IBA57: variants seen among roughly 807,000 people sequenced by gnomAD.
The protein encoded by IBA57 is iron-sulfur cluster assembly factor IBA57, mitochondrial.
In IBA57, 20 loss-of-function variants were observed where a neutral mutation model predicts 20.4. That is an observed-to-expected ratio of 0.98 (90% confidence interval 0.69 to 1.42). The LOEUF (loss-of-function observed/expected upper bound fraction) is 1.42. Ranked by LOEUF, IBA57 falls within the 40% of genes most tolerant of loss-of-function variation. The probability of loss-of-function intolerance (pLI) is 0.00; values close to 1 mark genes in which losing one functional copy is unlikely to be tolerated. For missense variants in IBA57, 608 were observed against 499.3 expected, an observed-to-expected ratio of 1.22 and a Z score of -2.07; for synonymous variants, 310 against 233.9, an observed-to-expected ratio of 1.33 and a Z score of -2.97.
At chr1:228,169,397 G>C (rs1320920906) in intron 1 of IBA57, among the ~76,000 whole-genome samples, 1 of 152,106 alleles carries the variant, frequency 6.6e-6, no homozygotes, top group Non-Finnish European at 1.5e-5. Flanking sequence ...ATAGTTATTT[G>C]GTTGTTGTCT....
chr1:228,174,725 T>C lies in IBA57; in HGVS notation c.375T>C (p.Leu125=), dbSNP rs999608393. The change falls in exon 2 of 3, where the codon CTT becomes CTC. Residue 125 remains leucine (L), a synonymous_variant. Transcript: ENST00000366711. The stretch of plus-strand genomic sequence containing the variant: ...AACACTCGGAGGTGTCTGGCTTCCT[T>C]CTGGAGTGTGACAGCTCGGTGCAGG... The part of the protein sequence containing the change: ...LQEHSEVSGF[L]LECDSSVQGA... 6.3e-7 allele frequency: 1 copy of C among 1,592,288 alleles called. No homozygotes were observed.
chr1:228,173,404 C>CCCG (rs1553264442), intron 1 of IBA57: 3 of 132,934 alleles, frequency 2.3e-5, no homozygotes, highest in South Asian at 2.8e-4. Flanking sequence ...TTAGTGCCCC[C>CCCG]CCCCCCGACA....
intron 1 of IBA57, among the ~76,000 whole-genome samples, chr1:228,167,905 C>A (rs956426130): frequency 6.6e-6 from 1 of 152,238 alleles, no homozygotes; most frequent in Admixed American, 6.5e-5. Context: ...TATGTTAGTA[C>A]TTTGCTGTTC....
chr1:228,166,076 G>T lies in IBA57; in HGVS notation c.260G>T (p.Gly87Val). 2 of 1,537,406 alleles carry T rather than the reference G, an allele frequency of 1.3e-6. No individual in the cohort carries two copies. ...CCGCTTCCGAGTCCTGCGGCCGCGG[G>T]GGCCCCGCCTGCTGCGCGCGCGGGC... The part of the protein sequence containing the change: ...ELPLPSPAAA[G>V]APPAARAGYA... Residue 87 changes from glycine to valine, a missense_variant, in exon 1 of 3, where the codon GGG (glycine) becomes GTG (valine). By Grantham distance (109) the Gly-to-Val change is moderately radical. Coordinates refer to ENST00000366711, the MANE Select transcript of IBA57 (RefSeq NM_001010867.4).
chr1:228,177,205 C>G lies in IBA57; in HGVS notation c.*1692C>G, dbSNP rs1262750644. On this transcript the variant is annotated 3_prime_UTR_variant, in exon 3 of 3. Coordinates refer to ENST00000366711, the MANE Select transcript of IBA57 (RefSeq NM_001010867.4). ...GCACCCCTGGAATGAGGGTCTGTGCCTCGAGCTCAAAGTGTCCCGGCTCTG... is the reference window on the plus strand; with the variant it reads ...GCACCCCTGGAATGAGGGTCTGTGCGTCGAGCTCAAAGTGTCCCGGCTCTG... The G allele has an allele frequency of 6.6e-6, 1 of 152,330 alleles. No homozygotes were observed. The highest frequency in any genetic ancestry group is 1.5e-5 in the Non-Finnish European group (1 of 68,150). 9.4% of individuals were successfully genotyped at this position (152,330 alleles called of 1,614,324 possible). A position where few individuals can be genotyped will look rare whatever the true frequency, so the allele number is the denominator to read the frequency against.
Position 228,175,652 on chromosome 1 carries a change from T to A in IBA57, c.*139T>A. 1 of 1,153,680 alleles carries A rather than the reference T, an allele frequency of 8.7e-7. No individual in the cohort carries two copies. The highest frequency in any genetic ancestry group is 2.7e-5 in the East Asian group (1 of 36,870). The allele number at this position is 1,153,680 out of a possible 1,614,324, so 71.5% of individuals were successfully genotyped here. A position where few individuals can be genotyped will look rare whatever the true frequency, so the allele number is the denominator to read the frequency against. On this transcript the variant is annotated 3_prime_UTR_variant, in exon 3 of 3. Transcript: ENST00000366711. ...GGTTTCCATCTGGGAAAGTCCCCCTTGTAGGTGCCCTGCCTGGCCCCACCC... is the reference window on the plus strand; with the variant it reads ...GGTTTCCATCTGGGAAAGTCCCCCTAGTAGGTGCCCTGCCTGGCCCCACCC...
Position 228,175,199 on chromosome 1 carries a change from G to A in IBA57, c.757G>A (p.Val253Met). Residue 253 changes from valine (V) to methionine (M), a missense_variant, in exon 3 of 3, where the codon GTG (valine) becomes ATG (methionine). Transcript: ENST00000366711. Reference sequence around the variant, plus strand: ...GTCCAACCTGGCCTTCATGAACGGCGTGAGCTTCACCAAAGGCTGCTACAT... The same window carrying A: ...GTCCAACCTGGCCTTCATGAACGGCATGAGCTTCACCAAAGGCTGCTACAT... Reference protein sequence around the residue: ...LESNLAFMNGVSFTKGCYIGQ... With the variant: ...LESNLAFMNGMSFTKGCYIGQ... 4 of 1,612,884 alleles carry A rather than the reference G, an allele frequency of 2.5e-6. No homozygotes were observed. The highest frequency in any genetic ancestry group is 3.4e-6 in the Non-Finnish European group (4 of 1,179,984).
At chr1:228,168,325 C>T (rs959007840) in intron 1 of IBA57, among the ~76,000 whole-genome samples, 1 of 152,192 alleles carries the variant, frequency 6.6e-6, no homozygotes, top group African/African-American at 2.4e-5. Context: ...ATATGTGCCA[C>T]TTGACTGCGT....
At chr1:228,168,144 T>TTCC (rs1216253145) in intron 1 of IBA57, among the ~76,000 whole-genome samples, 1 of 152,184 alleles carries the variant, frequency 6.6e-6, no homozygotes. Context: ...CTTCTTCTCC[T>TTCC]TCCTCCTCCT....
At position 228,174,917 on chromosome 1, in the gene IBA57, G is replaced by A. The variant is rs764091126; in HGVS notation, c.567G>A (p.Pro189=). ...AGAAAILIRD[P]RTARMGWRLL... ...CTGCCGCCATCCTCATCCGCGACCCGCGAACAGCACGCATGGGGTGGCGGC... is the reference window on the plus strand; with the variant it reads ...CTGCCGCCATCCTCATCCGCGACCCACGAACAGCACGCATGGGGTGGCGGC... The change falls in exon 2 of 3, where the codon CCG becomes CCA. Residue 189 remains proline (P), a synonymous_variant. Transcript: ENST00000366711. 3.8e-6 allele frequency: 6 copies of A among 1,599,302 alleles called. No individual in the cohort carries two copies. Among genetic ancestry groups the A allele is most frequent in the Middle Eastern group, 1.7e-4 (1 of 5,884 alleles).
chr1:228,169,685 C>T (rs565109095), intron 1 of IBA57, among the ~76,000 whole-genome samples: 1 of 152,230 alleles, frequency 6.6e-6, no homozygotes, highest in African/African-American at 2.4e-5. Context: ...ATCCTCTGTG[C>T]CCTGCCCATC....
At chr1:228,169,641 G>A (rs1358584415) in intron 1 of IBA57, among the ~76,000 whole-genome samples, 1 of 152,080 alleles carries the variant, frequency 6.6e-6, no homozygotes. Flanking sequence ...GTCTACCATC[G>A]TAGCATCACA....
intron 1 of IBA57, chr1:228,172,223 A>G (rs1006423783): frequency 1.3e-5 from 2 of 151,714 alleles, no homozygotes; most frequent in African/African-American, 4.8e-5. Context: ...CACACAGGGC[A>G]TATCTGGGGT....
rs562834962 is a variant in IBA57 at position 228,169,025 on chromosome 1, A to G, written c.341+2868A>G. Among the ~76,000 whole-genome samples, 4 of 152,096 alleles carry G rather than the reference A, an allele frequency of 2.6e-5. No homozygotes were observed. In the East Asian group the frequency reaches 5.8e-4, roughly 22 times the overall value. Reference sequence around the variant, plus strand: ...TGTCCAGATGCCACCCCTCCCAGCTATGTGGCATGGGTGGGCTTAGGGCTG... The same window carrying G: ...TGTCCAGATGCCACCCCTCCCAGCTGTGTGGCATGGGTGGGCTTAGGGCTG... On this transcript the variant is annotated intron_variant, in intron 1 of 2. Coordinates refer to ENST00000366711, the MANE Select transcript of IBA57 (RefSeq NM_001010867.4).
intron 1 of IBA57, among the ~76,000 whole-genome samples, chr1:228,169,105 C>T (rs887669538): frequency 9.9e-5 from 15 of 152,084 alleles, no homozygotes; most frequent in Admixed American, 7.9e-4. Context: ...TTTTCCTTGT[C>T]GGGCTGCTGT....
chr1:228,173,187 A>C (rs1328412256), intron 1 of IBA57: 1 of 152,298 alleles, frequency 6.6e-6, no homozygotes, highest in Non-Finnish European at 1.5e-5. Context: ...CCTGCTTGGC[A>C]CCTGAAGCCC....
rs968780681 is a variant in IBA57 at position 228,166,163 on chromosome 1, C to T, written c.341+6C>T. ...TATGACGTCATCTTGTACGGGTGAG[C>T]GCGTGCTGGGAGGGCGCTCGGGGGC... is the stretch of plus-strand genomic sequence containing the variant. On this transcript the variant is annotated splice_donor_region_variant and intron_variant, in intron 1 of 2. Coordinates refer to ENST00000366711, the MANE Select transcript of IBA57 (RefSeq NM_001010867.4). 18 of 1,473,892 alleles carry T rather than the reference C, an allele frequency of 1.2e-5. No individual in the cohort carries two copies. Among genetic ancestry groups the T allele is most frequent in the Non-Finnish European group, 1.4e-5 (16 of 1,108,430 alleles). 91.3% of individuals were successfully genotyped at this position (1,473,892 alleles called of 1,614,324 possible).
chr1:228,171,727 T>C, intron 1 of IBA57: 1 of 154,318 alleles, frequency 6.5e-6, no homozygotes, highest in Non-Finnish European at 1.4e-5. Context: ...GCCTCCCCTG[T>C]GCCTGTGTGC....
At position 228,174,684 on chromosome 1, in the gene IBA57, C is replaced by G; in HGVS notation, c.342-8C>G. 2 of 1,537,414 alleles carry G rather than the reference C, an allele frequency of 1.3e-6. No homozygotes were observed. Among genetic ancestry groups the G allele is most frequent in the South Asian group, 2.4e-5 (2 of 82,488 alleles). On this transcript the variant is annotated splice_polypyrimidine_tract_variant and splice_region_variant and intron_variant, in intron 1 of 2. Transcript: ENST00000366711. ...AGCTGCCATGCGCCCCTGCCTCTCT[C>G]CCTGCAGGCTCCAGGAACACTCGGA...
Sources: allele counts gnomAD v4.1 joint callset (sites outside exome capture counted in the v4.1 genomes callset), GRCh38; gene constraint gnomAD v4.1.1; transcripts MANE v1.5; gene names NCBI Gene and HGNC (gene_info 2026-07-23, HGNC 2026-07-21).